The following CRTAC1 variants were observed in gnomAD, a reference collection of about 807,000 sequenced individuals.
CRTAC1 encodes the protein acidic secreted protein in cartilage.
CRTAC1 carries 37 observed loss-of-function variants against 67.8 expected under a neutral mutation model. The ratio of observed to expected loss-of-function variants is 0.55; its 90% CI spans 0.42 to 0.72. The LOEUF is 0.72. Ranked by LOEUF, CRTAC1 falls within the 30% of genes least tolerant of loss-of-function variation. CRTAC1 has a pLI of 0.00. For missense variants in CRTAC1, 780 were observed against 931.6 expected (o/e 0.84, Z 2.12); for synonymous variants, 348 against 371.0 (o/e 0.94, Z 0.71).
At chr10:97,890,795 G>A (rs1564880222) in intron 11 of CRTAC1, among the ~76,000 whole-genome samples, 1 of 151,890 alleles carries the variant, frequency 6.6e-6, no homozygotes, top group African/African-American at 2.4e-5. Context: ...AGCCTCCCGA[G>A]TAGCTGGGAT....
chr10:97,952,268 C>T (rs1403148465), intron 2 of CRTAC1, among the ~76,000 whole-genome samples: 1 of 151,826 alleles, frequency 6.6e-6, no homozygotes, highest in Non-Finnish European at 1.5e-5. Context: ...AGGAGAATGG[C>T]GTGAACCCAG....
intron 2 of CRTAC1, among the ~76,000 whole-genome samples, chr10:97,988,987 C>G (rs2052029824): frequency 6.6e-6 from 1 of 152,170 alleles, no homozygotes; most frequent in African/African-American, 2.4e-5. Flanking sequence ...GAGCATCATG[C>G]AATCTGTTGA....
At chr10:97,920,602 C>G (rs1163877773) in intron 4 of CRTAC1, among the ~76,000 whole-genome samples, 1 of 152,152 alleles carries the variant, frequency 6.6e-6, no homozygotes, top group Non-Finnish European at 1.5e-5. Flanking sequence ...CCAGATGATG[C>G]TGACACTGCT....
At chr10:97,907,758 C>G (rs923842411) in intron 6 of CRTAC1, among the ~76,000 whole-genome samples, 9 of 152,132 alleles carry the variant, frequency 5.9e-5, no homozygotes, top group African/African-American at 2.2e-4. Flanking sequence ...CGGGCAATCT[C>G]AGGTACTGGA....
At position 97,917,544 on chromosome 10, in the gene CRTAC1, G is replaced by A. The variant is rs200767311; in HGVS notation, c.671C>T (p.Ala224Val). Reference sequence around the variant, plus strand: ...AGCCTCAGCAGCCACATCTCTGAGCGCCAGAATGCCCCGGGAGAGGTCACT... The same window carrying A: ...AGCCTCAGCAGCCACATCTCTGAGCACCAGAATGCCCCGGGAGAGGTCACT... The part of the protein sequence containing the change: ...EASDLSRGIL[A>V]LRDVAAEAGV... Residue 224 changes from alanine to valine, a missense_variant, in exon 5 of 15, where the codon GCG (alanine) becomes GTG (valine). Ala to Val is a moderately conservative substitution (Grantham distance 64). Transcript: ENST00000370597. The A allele has an allele frequency of 4.7e-5, 75 of 1,592,430 alleles. No individual in the cohort carries two copies. Among genetic ancestry groups the A allele is most frequent in the Non-Finnish European group, 5.4e-5 (63 of 1,166,924 alleles).
Position 97,895,868 on chromosome 10 carries a change from C to T in CRTAC1, c.1317+17G>A, listed in dbSNP as rs1338445263. The T allele has an allele frequency of 6.2e-7, 1 of 1,603,088 alleles. No individual in the cohort carries two copies. The highest frequency in any genetic ancestry group is 1.7e-5 in the Admixed American group (1 of 59,942). On this transcript the variant is annotated intron_variant, in intron 10 of 14. Transcript: ENST00000370597. This position sits in a 1 kb window ranked among gnomAD's most constrained non-coding sequence, Gnocchi z 4.2. ...CACACAGGGCTGGGATCTGTGGCTC[C>T]TGAGGTCTTAGCGCACCTGATTGCC...
chr10:97,872,378 C>A (rs1431995060), intron 14 of CRTAC1, among the ~76,000 whole-genome samples: 1 of 152,174 alleles, frequency 6.6e-6, no homozygotes, highest in Non-Finnish European at 1.5e-5. Flanking sequence ...CAGGCTACCC[C>A]CTGAGCTGGG....
At chr10:97,962,108 C>T (rs1464815683) in intron 2 of CRTAC1, among the ~76,000 whole-genome samples, 3 of 152,148 alleles carry the variant, frequency 2.0e-5, no homozygotes, top group Non-Finnish European at 2.9e-5. Flanking sequence ...CCTCTATGCT[C>T]GCGGTTTTCC....
chr10:97,969,671 G>T (rs934297675), intron 2 of CRTAC1, among the ~76,000 whole-genome samples: 2 of 152,030 alleles, frequency 1.3e-5, no homozygotes, highest in Non-Finnish European at 2.9e-5. Context: ...GACCATGGAC[G>T]ACCCCACAGA....
At chr10:97,969,130 C>CA (rs1358045883) in intron 2 of CRTAC1, among the ~76,000 whole-genome samples, 1 of 152,164 alleles carries the variant, frequency 6.6e-6, no homozygotes, top group African/African-American at 2.4e-5. Context: ...TGTCTTCAAG[C>CA]AGCAGCAGAA....
intron 2 of CRTAC1, among the ~76,000 whole-genome samples, chr10:97,953,473 C>A (rs1227760462): frequency 6.6e-6 from 1 of 152,114 alleles, no homozygotes; most frequent in Non-Finnish European, 1.5e-5. Flanking sequence ...GGCCAGCAGA[C>A]CCTCAATGGA....
chr10:97,926,707 G>A (rs2050925070), intron 3 of CRTAC1, among the ~76,000 whole-genome samples: 1 of 152,196 alleles, frequency 6.6e-6, no homozygotes, highest in African/African-American at 2.4e-5. Context: ...GACAGGTTTT[G>A]CTATCAATTG....
At position 98,005,649 on chromosome 10, in the gene CRTAC1, ATATC is replaced by A. The variant is rs1323934743; in HGVS notation, c.224+5485_224+5488del. 6.0e-5 allele frequency among the ~76,000 whole-genome samples: 9 copies of A among 150,974 alleles called. No homozygotes were observed. In the East Asian group the frequency reaches 1.4e-3, roughly 23 times the overall value. On this transcript the variant is annotated intron_variant, in intron 2 of 14. Coordinates refer to ENST00000370597, the MANE Select transcript of CRTAC1 (RefSeq NM_018058.7). ...ATACTACATCTACCTATTATTTACCATATCTATCTATAAATACTATATATATATC... is the reference window on the plus strand; with the variant it reads ...ATACTACATCTACCTATTATTTACCATATCTATAAATACTATATATATATC...
chr10:97,962,279 C>T (rs2051538635), intron 2 of CRTAC1, among the ~76,000 whole-genome samples: 1 of 151,264 alleles, frequency 6.6e-6, no homozygotes, highest in Non-Finnish European at 1.5e-5. Flanking sequence ...GAGATCACAG[C>T]CAACTACCTC....
At chr10:98,006,764 G>T (rs1291457444) in intron 2 of CRTAC1, among the ~76,000 whole-genome samples, 1 of 152,190 alleles carries the variant, frequency 6.6e-6, no homozygotes, top group African/African-American at 2.4e-5. Flanking sequence ...TCTCCCAGGG[G>T]TGGCAAAAGT....
intron 7 of CRTAC1, among the ~76,000 whole-genome samples, chr10:97,904,163 C>T (rs143279468): frequency 2.8e-3 from 424 of 152,214 alleles, no homozygotes; most frequent in African/African-American, 9.7e-3. Flanking sequence ...CGGCCCACCT[C>T]GGAGGCTGCT....
intron 8 of CRTAC1, among the ~76,000 whole-genome samples, chr10:97,898,024 G>A (rs2050485219): frequency 6.6e-6 from 1 of 152,236 alleles, no homozygotes; most frequent in Admixed American, 6.5e-5. Context: ...GTGTGTTGGT[G>A]TGCATGAGTG....
intron 3 of CRTAC1, among the ~76,000 whole-genome samples, chr10:97,929,721 T>A (rs1044198851): frequency 1.3e-5 from 2 of 152,174 alleles, no homozygotes; most frequent in Non-Finnish European, 2.9e-5. Flanking sequence ...GTATGTAAAG[T>A]GCTGAGAACA....
chr10:97,902,561 T>C (rs2050556645), intron 7 of CRTAC1, among the ~76,000 whole-genome samples: 1 of 152,224 alleles, frequency 6.6e-6, no homozygotes, highest in South Asian at 2.1e-4. Flanking sequence ...GGTGTGTTTC[T>C]GCCTCTGAAA....
Sources: gnomAD v4.1 joint callset for allele counts (sites outside exome capture counted in the v4.1 genomes callset) on GRCh38, gnomAD v4.1.1 for gene constraint, Gnocchi (gnomAD v3.1) non-coding constraint, MANE v1.5 for transcripts, NCBI Gene and HGNC (gene_info 2026-07-23, HGNC 2026-07-21) for gene names.